Variants in DGKG observed in about 807,000 individuals in gnomAD.
The protein encoded by DGKG is DAG kinase gamma.
In DGKG, 78 loss-of-function variants were observed where a neutral mutation model predicts 105.3. That is an observed-to-expected ratio of 0.74 (90% CI 0.62 to 0.89). DGKG has a LOEUF of 0.89. Ranked by LOEUF, DGKG falls within the 40% of genes least tolerant of loss-of-function variation. DGKG has a pLI of 0.00. For missense variants in DGKG, 958 were observed against 1,020.1 expected (o/e 0.94, Z 0.83); for synonymous variants, 346 against 367.1 (o/e 0.94, Z 0.66).
At chr3:186,233,528 G>A (rs1221530793) in intron 20 of DGKG, among the ~76,000 whole-genome samples, 1 of 152,196 alleles carries the variant, frequency 6.6e-6, no homozygotes, top group Non-Finnish European at 1.5e-5. Context: ...CGCCCAGGCT[G>A]GACTGCAGTG....
At chr3:186,173,256 C>T (rs533899217) in intron 22 of DGKG, among the ~76,000 whole-genome samples, 2 of 152,164 alleles carry the variant, frequency 1.3e-5, no homozygotes, top group African/African-American at 2.4e-5. Context: ...GGACACAATT[C>T]GGCCCATACA....
chr3:186,250,557 C>CTTTTTTTTT lies in DGKG; in HGVS notation c.1761+1193_1761+1201dup, dbSNP rs10529645. Reference sequence around the variant, plus strand: ...CAAATAGTTCAATAATTCTGTCATTCTTTTTTTTTTGAGACAGAGTCTCGC... The same window carrying CTTTTTTTTT: ...CAAATAGTTCAATAATTCTGTCATTCTTTTTTTTTTTTTTTTTTTGAGACAGAGTCTCGC... On this transcript the variant is annotated intron_variant, in intron 19 of 24. Coordinates refer to ENST00000265022, the MANE Select transcript of DGKG (RefSeq NM_001346.3). Among the ~76,000 whole-genome samples the CTTTTTTTTT allele has an allele frequency of 3.7e-3, 425 of 116,136 alleles. 22 individuals are homozygous for CTTTTTTTTT. The highest frequency in any genetic ancestry group is 5.8e-3 in the Non-Finnish European group (345 of 59,372). 76.2% of individuals were successfully genotyped at this position (116,136 alleles called of 152,430 possible).
At position 186,245,735 on chromosome 3, in the gene DGKG, A is replaced by G. The variant is rs115282945; in HGVS notation, c.1762-3167T>C. Reference sequence around the variant, plus strand: ...TTTCCTGAACTACAACTCCAAGCACATGGGTGGACAAAGAAATTTGGGCCC... The same window carrying G: ...TTTCCTGAACTACAACTCCAAGCACGTGGGTGGACAAAGAAATTTGGGCCC... On this transcript the variant is annotated intron_variant, in intron 19 of 24. Coordinates refer to ENST00000265022, the MANE Select transcript of DGKG (RefSeq NM_001346.3). Among the ~76,000 whole-genome samples, 1,226 of 152,320 alleles carry G rather than the reference A, an allele frequency of 8.0e-3. 18 individuals are homozygous for G. Among genetic ancestry groups the G allele is most frequent in the African/African-American group, 0.027 (1,142 of 41,576 alleles).
intron 21 of DGKG, among the ~76,000 whole-genome samples, chr3:186,205,633 C>A (rs1718693357): frequency 6.6e-6 from 1 of 151,920 alleles, no homozygotes; most frequent in Non-Finnish European, 1.5e-5. Context: ...TCACTTGAAC[C>A]CAGGAGGAAG....
chr3:186,171,872 G>A (rs1277182793), intron 22 of DGKG, among the ~76,000 whole-genome samples: 5 of 148,346 alleles, frequency 3.4e-5, no homozygotes, highest in South Asian at 2.2e-4. Flanking sequence ...TTTTTCCCCC[G>A]ATATTTGGAG....
At chr3:186,271,875 C>T (rs748791241) in intron 11 of DGKG, among the ~76,000 whole-genome samples, 25 of 152,230 alleles carry the variant, frequency 1.6e-4, no homozygotes, top group Non-Finnish European at 3.1e-4. Flanking sequence ...CAAGACACAA[C>T]TGCAATGCCA....
chr3:186,334,377 G>A (rs1040297122), intron 1 of DGKG, among the ~76,000 whole-genome samples: 3 of 152,146 alleles, frequency 2.0e-5, no homozygotes, highest in African/African-American at 7.2e-5. Flanking sequence ...GGATTTACTG[G>A]TTCATTCCAG....
chr3:186,208,339 G>A (rs67059110), intron 21 of DGKG, among the ~76,000 whole-genome samples: 27,483 of 151,540 alleles, frequency 0.18, 2,878 homozygotes, highest in Non-Finnish European at 0.24. Context: ...ACCGCGCCTC[G>A]CCACGCGAAT....
intron 20 of DGKG, among the ~76,000 whole-genome samples, chr3:186,221,265 T>C (rs1474502766): frequency 1.3e-5 from 2 of 152,194 alleles, no homozygotes; most frequent in Admixed American, 1.3e-4. Flanking sequence ...CCTTTCCTGA[T>C]GGCCTGGGTC....
intron 20 of DGKG, among the ~76,000 whole-genome samples, chr3:186,235,287 T>C (rs955674107): frequency 2.6e-5 from 4 of 152,220 alleles, no homozygotes; most frequent in African/African-American, 9.6e-5. Context: ...TTAATTTCAT[T>C]TGGGGCTTTT....
chr3:186,324,152 G>T (rs930092278), intron 1 of DGKG, among the ~76,000 whole-genome samples: 2 of 150,410 alleles, frequency 1.3e-5, no homozygotes, highest in African/African-American at 4.9e-5. Context: ...TGGGCATTCT[G>T]CACACCTTCA....
chr3:186,190,844 A>G (rs1717871755), intron 21 of DGKG, among the ~76,000 whole-genome samples: 1 of 152,194 alleles, frequency 6.6e-6, no homozygotes, highest in African/African-American at 2.4e-5. Context: ...TAAAAGGAAA[A>G]AACAGTGACC....
intron 16 of DGKG, 148 bp downstream of exon 16, chr3:186,260,291 G>T (rs750297813): frequency 1.2e-4 from 81 of 652,778 alleles, no homozygotes; most frequent in Non-Finnish European, 2.1e-4. Flanking sequence ...GTCAGAGTCA[G>T]ACGTGAGAAA....
intron 1 of DGKG, among the ~76,000 whole-genome samples, chr3:186,360,790 CTG>C (rs1727189779): frequency 6.6e-6 from 1 of 152,202 alleles, no homozygotes; most frequent in African/African-American, 2.4e-5. Context: ...GTTTCCAGTC[CTG>C]TGTCCTGACC....
chr3:186,258,049 A>T, intron 16 of DGKG, 110 bp from the exon 17 acceptor site: 1 of 799,704 alleles, frequency 1.3e-6, no homozygotes, highest in South Asian at 1.5e-5. Context: ...TAAGACCTCG[A>T]TTCCTTTTGT....
intron 2 of DGKG, chr3:186,313,603 G>T: frequency 1.2e-6 from 1 of 834,932 alleles, no homozygotes; most frequent in Non-Finnish European, 1.4e-6. Flanking sequence ...TCACCTGGGA[G>T]CTTGTTAGAA....
chr3:186,284,608 G>A lies in DGKG; in HGVS notation c.594+52C>T. ...CAGATTCTTCCTCTGCTTGCTCCCT[G>A]CTCCCCCAGCCTTTCTCAGGTCCAT... On this transcript the variant is annotated intron_variant, in intron 7 of 24. Coordinates refer to ENST00000265022, the MANE Select transcript of DGKG (RefSeq NM_001346.3). This position sits in a 1 kb window ranked among gnomAD's most constrained non-coding sequence, Gnocchi z 4.0. The A allele has an allele frequency of 6.8e-7, 1 of 1,468,546 alleles. No homozygotes were observed. Among genetic ancestry groups the A allele is most frequent in the Non-Finnish European group, 9.5e-7 (1 of 1,048,184 alleles). 91.0% of individuals were successfully genotyped at this position (1,468,546 alleles called of 1,614,324 possible).
intron 1 of DGKG, among the ~76,000 whole-genome samples, chr3:186,355,174 A>C (rs1177292048): frequency 0.083 from 2,431 of 29,116 alleles, 103 homozygotes; most frequent in African/African-American, 0.28. Context: ...TCACCCCCAC[A>C]ACTATCACCA....
chr3:186,190,770 C>T (rs1422984986), intron 21 of DGKG, among the ~76,000 whole-genome samples: 1 of 152,224 alleles, frequency 6.6e-6, no homozygotes, highest in Non-Finnish European at 1.5e-5. Flanking sequence ...TTCCAATCTT[C>T]ATTCTGTGAC....
Sources: allele counts gnomAD v4.1 joint callset (sites outside exome capture counted in the v4.1 genomes callset), GRCh38; gene constraint gnomAD v4.1.1; non-coding constraint Gnocchi (gnomAD v3.1); transcripts MANE v1.5; gene names NCBI Gene and HGNC (gene_info 2026-07-23, HGNC 2026-07-21).